Variants in RBMS3 observed in about 807,000 individuals in gnomAD.
The protein encoded by RBMS3 is RNA-binding motif, single-stranded-interacting protein 3.
A neutral mutation model predicts 66.8 loss-of-function variants in RBMS3; 27 were observed. That is an observed-to-expected ratio of 0.40 (90% CI 0.30 to 0.56). RBMS3 has a LOEUF of 0.56. RBMS3 is among the 20% of genes least tolerant of loss of function. The probability of loss-of-function intolerance (pLI) is 0.40; values close to 1 mark genes in which losing one functional copy is unlikely to be tolerated. For missense variants in RBMS3, 513 were observed against 549.5 expected, an observed-to-expected ratio of 0.93 and a Z score of 0.66; for synonymous variants, 188 against 183.0, an observed-to-expected ratio of 1.03 and a Z score of -0.22.
intron 2 of RBMS3, among the ~76,000 whole-genome samples, chr3:29,437,448 A>G (rs536784019): frequency 6.6e-6 from 1 of 152,356 alleles, no homozygotes; most frequent in South Asian, 2.1e-4. Flanking sequence ...AATGTTTTTT[A>G]TGTGCATTTG....
chr3:29,623,427 C>A (rs1157685400), intron 4 of RBMS3, among the ~76,000 whole-genome samples: 1 of 151,326 alleles, frequency 6.6e-6, no homozygotes, highest in Non-Finnish European at 1.5e-5. Context: ...CCCGTCTCTA[C>A]TAAAAATACA....
At chr3:29,388,482 G>C (rs1268854742) in intron 1 of RBMS3, among the ~76,000 whole-genome samples, 1 of 152,118 alleles carries the variant, frequency 6.6e-6, no homozygotes, top group Non-Finnish European at 1.5e-5. Flanking sequence ...TTCCAGGAAG[G>C]CCACGTTAAA....
At chr3:29,931,582 C>T (rs571589035) in intron 10 of RBMS3, among the ~76,000 whole-genome samples, 1 of 152,236 alleles carries the variant, frequency 6.6e-6, no homozygotes, top group South Asian at 2.1e-4. Flanking sequence ...TTTCTTACTC[C>T]TTTTGTTTCT....
At chr3:29,986,287 C>T (rs1658455605) in intron 12 of RBMS3, among the ~76,000 whole-genome samples, 2 of 152,198 alleles carry the variant, frequency 1.3e-5, no homozygotes, top group South Asian at 4.1e-4. Flanking sequence ...ATTAAAGAAA[C>T]ATTTTCCAGA....
At position 29,898,903 on chromosome 3, in the gene RBMS3, TTAACTC is replaced by T. The variant is rs1383887786; in HGVS notation, c.889-799_889-794del. 4.0e-5 allele frequency among the ~76,000 whole-genome samples: 6 copies of T among 151,594 alleles called. No individual in the cohort carries two copies. In the South Asian group the frequency reaches 1.0e-3, roughly 26 times the overall value. ...ACTTGGGAGGGCTCATAAGTGGAAT[TTAACTC>T]TAGCTCCCTTTTCTCAAAAGAAGAG... is the stretch of plus-strand genomic sequence containing the variant. On this transcript the variant is annotated intron_variant, in intron 9 of 14. Transcript: ENST00000383767.
At chr3:29,656,373 C>T (rs147937485) in intron 4 of RBMS3, among the ~76,000 whole-genome samples, 1,607 of 152,158 alleles carry the variant, frequency 0.011, 14 homozygotes, top group Middle Eastern at 0.027. Context: ...TTACTGGCCA[C>T]AATATACAGT....
chr3:29,606,116 C>T (rs1163417169), intron 4 of RBMS3, among the ~76,000 whole-genome samples: 1 of 151,620 alleles, frequency 6.6e-6, no homozygotes, highest in South Asian at 2.1e-4. Flanking sequence ...TGTGAGGTTG[C>T]AGATTGTCTA....
At position 29,360,246 on chromosome 3, in the gene RBMS3, G is replaced by A. The variant is rs563455048; in HGVS notation, c.76-74497G>A. On this transcript the variant is annotated intron_variant, in intron 1 of 14. Coordinates refer to ENST00000383767, the MANE Select transcript of RBMS3 (RefSeq NM_001003793.3). ...TGTCCCAGAGATTCTGGTACATTGTGTCTTTGTTCTCGTTGGTTTCAAAGA... is the reference window on the plus strand; with the variant it reads ...TGTCCCAGAGATTCTGGTACATTGTATCTTTGTTCTCGTTGGTTTCAAAGA... 2.6e-5 allele frequency among the ~76,000 whole-genome samples: 4 copies of A among 152,068 alleles called. No individual in the cohort carries two copies. In the East Asian group the frequency reaches 7.7e-4, roughly 29 times the overall value.
intron 4 of RBMS3, among the ~76,000 whole-genome samples, chr3:29,647,138 G>A (rs527844563): frequency 4.6e-5 from 7 of 152,076 alleles, no homozygotes; most frequent in Admixed American, 6.5e-5. Context: ...CCACCACACC[G>A]GGCTAATTTT....
At chr3:29,293,071 G>C (rs916894671) in intron 1 of RBMS3, among the ~76,000 whole-genome samples, 1 of 151,798 alleles carries the variant, frequency 6.6e-6, no homozygotes, top group Non-Finnish European at 1.5e-5. Context: ...ATTTGCTTTT[G>C]TTGTTTTGAC....
chr3:29,856,891 T>G (rs1270528933), intron 6 of RBMS3, among the ~76,000 whole-genome samples: 1 of 152,174 alleles, frequency 6.6e-6, no homozygotes, highest in Non-Finnish European at 1.5e-5. Flanking sequence ...AAACTCAGTT[T>G]CTAGGACCTG....
At position 29,586,345 on chromosome 3, in the gene RBMS3, A is replaced by G. The variant is rs74678394; in HGVS notation, c.308-769A>G. On this transcript the variant is annotated intron_variant, in intron 3 of 14. Coordinates refer to ENST00000383767, the MANE Select transcript of RBMS3 (RefSeq NM_001003793.3). ...CTATTTCTTTGCTTTCACCATATAT[A>G]GACATCCACACAAGCACACAATCAG... 6.8e-3 allele frequency among the ~76,000 whole-genome samples: 1,040 copies of G among 152,242 alleles called. 29 individuals are homozygous for G. The highest frequency in any genetic ancestry group is 0.055 in the Admixed American group (836 of 15,280).
chr3:29,309,054 T>G (rs950843742), intron 1 of RBMS3, among the ~76,000 whole-genome samples: 1 of 151,910 alleles, frequency 6.6e-6, no homozygotes, highest in Admixed American at 6.6e-5. Context: ...CATTAATATC[T>G]GGCTTAGGAC....
chr3:29,286,831 C>G (rs1366673502), intron 1 of RBMS3, among the ~76,000 whole-genome samples: 1 of 151,726 alleles, frequency 6.6e-6, no homozygotes, highest in African/African-American at 2.4e-5. Flanking sequence ...ACCAAAACAA[C>G]AAAAAAAGTA....
At chr3:29,955,489 T>A (rs1290363086) in intron 12 of RBMS3, among the ~76,000 whole-genome samples, 1 of 152,012 alleles carries the variant, frequency 6.6e-6, no homozygotes, top group Non-Finnish European at 1.5e-5. Flanking sequence ...ATGCAGTATA[T>A]CCATTTTCCT....
chr3:29,823,157 G>A (rs1229419157), intron 6 of RBMS3, among the ~76,000 whole-genome samples: 2 of 152,054 alleles, frequency 1.3e-5, no homozygotes, highest in Non-Finnish European at 2.9e-5. Flanking sequence ...TAAATATACA[G>A]TAAGACACAT....
chr3:29,657,520 ACTGT>A (rs1418315573), intron 4 of RBMS3, among the ~76,000 whole-genome samples: 4 of 152,204 alleles, frequency 2.6e-5, no homozygotes, highest in African/African-American at 9.7e-5. Context: ...CATGCCTGTG[ACTGT>A]CTGTGATTTC....
At chr3:29,930,608 C>T (rs923578138) in intron 10 of RBMS3, among the ~76,000 whole-genome samples, 3 of 151,958 alleles carry the variant, frequency 2.0e-5, no homozygotes, top group Non-Finnish European at 4.4e-5. Flanking sequence ...ACCACTACCC[C>T]CTAGGTGCTA....
intron 3 of RBMS3, among the ~76,000 whole-genome samples, chr3:29,496,326 T>G (rs1167065634): frequency 3.3e-5 from 5 of 152,180 alleles, no homozygotes; most frequent in Admixed American, 2.0e-4. Flanking sequence ...TAATCTACTC[T>G]AGTATTAAGT....
Sources: gnomAD v4.1 joint callset for allele counts (sites outside exome capture counted in the v4.1 genomes callset) on GRCh38, gnomAD v4.1.1 for gene constraint, MANE v1.5 for transcripts, NCBI Gene and HGNC (gene_info 2026-07-23, HGNC 2026-07-21) for gene names.